Variants in PTGES3 observed in about 807,000 individuals in gnomAD.
PTGES3 encodes Hsp90 co-chaperone.
Under a neutral mutation model 29.9 loss-of-function variants are expected in PTGES3, and 5 were observed. That is an observed-to-expected ratio of 0.17 (90% CI 0.09 to 0.35). The LOEUF (loss-of-function observed/expected upper bound fraction) is 0.35, where lower values mean the gene tolerates loss of function less well. Ranked by LOEUF, PTGES3 falls within the 10% of genes least tolerant of loss-of-function variation. PTGES3 has a pLI of 1.00. For synonymous variants in PTGES3, 49 were observed against 57.8 expected, an observed-to-expected ratio of 0.85 and a Z score of 0.69; for missense variants, 128 against 190.0, an observed-to-expected ratio of 0.67 and a Z score of 1.92.
intron 5 of PTGES3, among the ~76,000 whole-genome samples, chr12:56,667,729 A>G (rs1298121213): frequency 2.0e-5 from 3 of 152,244 alleles, no homozygotes; most frequent in Non-Finnish European, 4.4e-5. Flanking sequence ...TCAAATTCCA[A>G]TTACACAAAA....
chr12:56,674,745 G>A (rs1256212924), intron 1 of PTGES3, among the ~76,000 whole-genome samples: 1 of 141,980 alleles, frequency 7.0e-6, no homozygotes, highest in African/African-American at 2.6e-5. Context: ...AGAATGGCAT[G>A]AACCCAGGAG....
chr12:56,684,191 C>T (rs1952718861), intron 1 of PTGES3, among the ~76,000 whole-genome samples: 2 of 152,138 alleles, frequency 1.3e-5, no homozygotes, highest in South Asian at 4.1e-4. Flanking sequence ...TCGCTAACCA[C>T]AAGACCCAAA....
At chr12:56,683,072 T>C (rs1474516546) in intron 1 of PTGES3, among the ~76,000 whole-genome samples, 3 of 151,872 alleles carry the variant, frequency 2.0e-5, no homozygotes, top group South Asian at 2.1e-4. Context: ...CATTGCCGGC[T>C]GCGGCAGTAG....
chr12:56,676,847 G>A (rs7980835), intron 1 of PTGES3, among the ~76,000 whole-genome samples: 92,614 of 148,368 alleles, frequency 0.62, 29,329 homozygotes, highest in South Asian at 0.75. Context: ...CCTTGAACCC[G>A]GTGGTGGAGG....
chr12:56,687,702 C>G, intron 1 of PTGES3: 1 of 1,340,446 alleles, frequency 7.5e-7, no homozygotes. Context: ...GAGCTTAAGG[C>G]CTAGGGTGAA....
In PTGES3 at chr12:56,687,726, G is replaced by A. The variant is rs1441616694; in HGVS notation, c.2+272C>T. ...GCCTAGGGTGAAGTTACCGAAAGAG[G>A]CGAGTAACCCAGACAGCCAAAGGGG... is the stretch of plus-strand genomic sequence containing the variant. On this transcript the variant is annotated intron_variant, in intron 1 of 7. Transcript: ENST00000262033. 3.7e-6 allele frequency: 5 copies of A among 1,358,808 alleles called. No individual in the cohort carries two copies. The South Asian group carries it at 8.4e-5, about 23-fold the overall frequency. The allele number at this position is 1,358,808 out of a possible 1,614,324, so 84.2% of individuals were successfully genotyped here.
At chr12:56,678,300 C>A (rs1255363612) in intron 1 of PTGES3, among the ~76,000 whole-genome samples, 3 of 152,182 alleles carry the variant, frequency 2.0e-5, no homozygotes, top group East Asian at 3.9e-4. Flanking sequence ...TCCTCAGTCC[C>A]TTGAGTAGCT....
At chr12:56,684,853 G>A (rs1032389272) in intron 1 of PTGES3, among the ~76,000 whole-genome samples, 3 of 152,134 alleles carry the variant, frequency 2.0e-5, no homozygotes, top group Non-Finnish European at 2.9e-5. Context: ...AGGATTTAAA[G>A]AAATGTAACT....
At chr12:56,666,612 G>A (rs1951796827) in intron 5 of PTGES3, among the ~76,000 whole-genome samples, 1 of 152,012 alleles carries the variant, frequency 6.6e-6, no homozygotes, top group Non-Finnish European at 1.5e-5. Context: ...TCTTAAGTTA[G>A]GTGGAACATG....
chr12:56,684,890 A>C (rs1286450066), intron 1 of PTGES3, among the ~76,000 whole-genome samples: 1 of 152,180 alleles, frequency 6.6e-6, no homozygotes, highest in African/African-American at 2.4e-5. Flanking sequence ...GCAAATGAGT[A>C]AATCAAATGA....
chr12:56,675,271 G>C (rs1346025868), intron 1 of PTGES3, among the ~76,000 whole-genome samples: 2 of 151,676 alleles, frequency 1.3e-5, no homozygotes, highest in Non-Finnish European at 2.9e-5. Context: ...CTGCACTCTA[G>C]TCTGGGTGAC....
intron 1 of PTGES3, among the ~76,000 whole-genome samples, chr12:56,674,607 A>C (rs566650285): frequency 7.9e-5 from 12 of 152,064 alleles, no homozygotes; most frequent in African/African-American, 2.7e-4. Flanking sequence ...CAGGAGGATC[A>C]CAATGTCAGG....
rs887077165 is a variant in PTGES3, at chr12:56,688,099, T to C, written c.-100A>G. On this transcript the variant is annotated 5_prime_UTR_variant, in exon 1 of 8. Coordinates refer to ENST00000262033, the MANE Select transcript of PTGES3 (RefSeq NM_006601.7). ...TCTCTCCGGTGGCGACTCCGCTTTT[T>C]CTCTCCGGTCGCGGCCTCTTCTCGC... 4.9e-6 allele frequency: 7 copies of C among 1,430,716 alleles called. No homozygotes were observed. In the African/African-American group the frequency reaches 7.5e-5, roughly 15 times the overall value. 88.6% of individuals were successfully genotyped at this position (1,430,716 alleles called of 1,614,324 possible).
intron 1 of PTGES3, chr12:56,687,363 G>A (rs1952923355): frequency 3.0e-6 from 3 of 987,804 alleles, no homozygotes; most frequent in African/African-American, 1.7e-5. Context: ...GCTGAGTTTT[G>A]GCAACCTCCC....
intron 2 of PTGES3, 65 bp downstream of exon 2, chr12:56,672,887 C>T: frequency 1.3e-6 from 2 of 1,547,584 alleles, no homozygotes; most frequent in Non-Finnish European, 8.7e-7. Flanking sequence ...AAAAGACAAG[C>T]CAGTCAAAGT....
At chr12:56,678,610 G>A (rs888471918) in intron 1 of PTGES3, among the ~76,000 whole-genome samples, 3 of 152,094 alleles carry the variant, frequency 2.0e-5, no homozygotes, top group Admixed American at 6.6e-5. Context: ...ATAGTGAAGG[G>A]TGCTTGCAGT....
intron 1 of PTGES3, among the ~76,000 whole-genome samples, chr12:56,683,852 G>C (rs1168096594): frequency 1.3e-5 from 2 of 149,246 alleles, no homozygotes; most frequent in Admixed American, 6.7e-5. Context: ...CCAGCTACTC[G>C]GGAGGCTGAG....
At chr12:56,683,972 CAAAAA>C (rs1271756043) in intron 1 of PTGES3, among the ~76,000 whole-genome samples, 4 of 129,790 alleles carry the variant, frequency 3.1e-5, no homozygotes, top group Non-Finnish European at 5.2e-5. Flanking sequence ...AAAAAAAAAA[CAAAAA>C]AAACAAACAA....
Position 56,663,795 on chromosome 12 carries a change from T to A in PTGES3, c.*684A>T, listed in dbSNP as rs769948929. The A allele has an allele frequency of 6.6e-6, 1 of 152,576 alleles. No individual in the cohort carries two copies. The highest frequency in any genetic ancestry group is 1.9e-4 in the East Asian group (1 of 5,206). The allele number at this position is 152,576 out of a possible 1,614,324, so 9.5% of individuals were successfully genotyped here. On this transcript the variant is annotated 3_prime_UTR_variant, in exon 8 of 8. Coordinates refer to ENST00000262033, the MANE Select transcript of PTGES3 (RefSeq NM_006601.7). The stretch of plus-strand genomic sequence containing the variant: ...ACAAATCTGGACTAAATGTACAGAC[T>A]CTCAAGCAACAATGTACAGCTTTCT...
Sources: gnomAD v4.1 joint callset for allele counts (sites outside exome capture counted in the v4.1 genomes callset) on GRCh38, gnomAD v4.1.1 for gene constraint, MANE v1.5 for transcripts, NCBI Gene and HGNC (gene_info 2026-07-23, HGNC 2026-07-21) for gene names.